Variants in CAMK2B observed in about 807,000 individuals in gnomAD.
CAMK2B encodes the protein calcium/calmodulin-dependent protein kinase type II subunit beta.
CAMK2B carries 27 observed loss-of-function variants against 93.7 expected under a neutral mutation model. That is an observed-to-expected ratio of 0.29 (90% CI 0.21 to 0.40). The LOEUF (loss-of-function observed/expected upper bound fraction) is 0.40. Ranked by LOEUF, CAMK2B falls within the 10% of genes least tolerant of loss-of-function variation. The probability of loss-of-function intolerance (pLI) is 1.00; values close to 1 mark genes in which losing one functional copy is unlikely to be tolerated. For synonymous variants in CAMK2B, 374 were observed against 358.8 expected, an observed-to-expected ratio of 1.04 and a Z score of -0.48; for missense variants, 568 against 895.8, an observed-to-expected ratio of 0.63 and a Z score of 4.67.
intron 1 of CAMK2B, among the ~76,000 whole-genome samples, chr7:44,306,162 T>C (rs1464942890): frequency 6.6e-6 from 1 of 151,256 alleles, no homozygotes; most frequent in East Asian, 2.0e-4. Context: ...GCACTCTTCC[T>C]GAGGAGAGGG....
chr7:44,243,642 A>G, intron 6 of CAMK2B, 115 bp from the exon 7 acceptor site: 2 of 777,526 alleles, frequency 2.6e-6, no homozygotes, highest in Non-Finnish European at 4.3e-6. Flanking sequence ...AGACAGGTGC[A>G]CAGGTCTGAG....
intron 16 of CAMK2B, among the ~76,000 whole-genome samples, chr7:44,232,023 C>T (rs564586710): frequency 2.4e-4 from 36 of 152,334 alleles, no homozygotes; most frequent in Admixed American, 1.1e-3. Context: ...CAGACACACA[C>T]GGGTCCCAGG....
In CAMK2B at chr7:44,260,285, C is replaced by T. The variant is rs914638178; in HGVS notation, c.221-1359G>A. ...CCTCCCTCCTCTGGCTCTGGTTCTC[C>T]CAGGGGCCCAGCCTGATAGCGTCCT... On this transcript the variant is annotated intron_variant, in intron 3 of 23. Transcript: ENST00000395749. Among the ~76,000 whole-genome samples, 7 of 152,180 alleles carry T rather than the reference C, an allele frequency of 4.6e-5. No homozygotes were observed. The South Asian group carries it at 1.5e-3, about 32-fold the overall frequency.
At chr7:44,287,444 G>T (rs1785445635) in intron 1 of CAMK2B, among the ~76,000 whole-genome samples, 1 of 152,174 alleles carries the variant, frequency 6.6e-6, no homozygotes, top group Admixed American at 6.5e-5. Context: ...GGCAGCTGCA[G>T]ATCCACCTCT....
chr7:44,321,215 TTATC>T, intron 1 of CAMK2B, among the ~76,000 whole-genome samples: 1 of 152,208 alleles, frequency 6.6e-6, no homozygotes. Flanking sequence ...TTTCCTAAGT[TTATC>T]TATTAACTAC....
chr7:44,245,656 G>C (rs2096722815), intron 6 of CAMK2B, among the ~76,000 whole-genome samples: 1 of 152,196 alleles, frequency 6.6e-6, no homozygotes, highest in Non-Finnish European at 1.5e-5. Flanking sequence ...ACTCAGGTGA[G>C]ACAAAGCAGG....
intron 1 of CAMK2B, among the ~76,000 whole-genome samples, chr7:44,296,120 C>G (rs1303457950): frequency 6.6e-6 from 1 of 152,142 alleles, no homozygotes; most frequent in African/African-American, 2.4e-5. Context: ...AGAGCATGCA[C>G]CAGAACCAGA....
At chr7:44,274,168 G>A (rs1208073517) in intron 2 of CAMK2B, among the ~76,000 whole-genome samples, 1 of 152,162 alleles carries the variant, frequency 6.6e-6, no homozygotes. Context: ...ATGACCTTCT[G>A]TAGGCTAATC....
intron 4 of CAMK2B, among the ~76,000 whole-genome samples, chr7:44,257,184 G>T (rs2096841295): frequency 6.6e-6 from 1 of 152,138 alleles, no homozygotes; most frequent in African/African-American, 2.4e-5. Flanking sequence ...ACTACTATGG[G>T]GCCTCAGGGC....
rs890262227 is a variant in CAMK2B, at chr7:44,225,271, C to T, written c.1597+1245G>A. 1.3e-5 allele frequency among the ~76,000 whole-genome samples: 2 copies of T among 152,180 alleles called. No homozygotes were observed. The highest frequency in any genetic ancestry group is 3.9e-4 in the East Asian group (2 of 5,194). On this transcript the variant is annotated intron_variant, in intron 20 of 23. Transcript: ENST00000395749. This position sits in a 1 kb window ranked among gnomAD's most constrained non-coding sequence, Gnocchi z 5.0. ...GCAGGCTCCTTTGGGCACACCCCTCCACTTCTGCAAGGGCAGCAAGCCCCT... is the reference window on the plus strand; with the variant it reads ...GCAGGCTCCTTTGGGCACACCCCTCTACTTCTGCAAGGGCAGCAAGCCCCT...
chr7:44,316,634 T>C (rs1452581331), intron 1 of CAMK2B, among the ~76,000 whole-genome samples: 6 of 152,214 alleles, frequency 3.9e-5, no homozygotes, highest in African/African-American at 1.4e-4. Context: ...CCAGTGAAAT[T>C]ATCTGAGCCT....
chr7:44,226,605 C>G lies in CAMK2B; in HGVS notation c.1508G>C (p.Gly503Ala), dbSNP rs537194603. ...ISDILNSVRR[G>A]SGTPEAEGPS... ...GCCCTCGGCTTCTGGGGTCCCTGAG[C>G]CCCTCCTCACAGAGTTCAGGATGTC... Residue 503 changes from glycine (G) to alanine (A), a missense_variant, in exon 20 of 24, where the codon GGC becomes GCC. Physicochemically the swap from Gly to Ala is moderately conservative, Grantham distance 60 (BLOSUM62 0). Transcript: ENST00000395749. The G allele has an allele frequency of 6.6e-7, 1 of 1,522,634 alleles. No homozygotes were observed. Among genetic ancestry groups the G allele is most frequent in the Non-Finnish European group, 8.7e-7 (1 of 1,144,338 alleles). The allele number at this position is 1,522,634 out of a possible 1,614,324, so 94.3% of individuals were successfully genotyped here.
intron 10 of CAMK2B, among the ~76,000 whole-genome samples, 178 bp from the exon 11 acceptor site, chr7:44,241,961 C>T (rs752070775): frequency 2.6e-5 from 4 of 152,198 alleles, no homozygotes; most frequent in Admixed American, 2.0e-4. Flanking sequence ...TCCCTTGCCT[C>T]GTCCACTCTG....
At chr7:44,260,452 A>G (rs1443599107) in intron 3 of CAMK2B, among the ~76,000 whole-genome samples, 5 of 152,190 alleles carry the variant, frequency 3.3e-5, no homozygotes, top group Admixed American at 1.3e-4. Flanking sequence ...GCCAGGCCCC[A>G]GAAGCCTCCA....
In CAMK2B at chr7:44,220,907, G is replaced by C. The variant is rs1724980084; in HGVS notation, c.1598-6C>G. ...AATGATCTCCTGCTTCCGGGCTGTGGGGAGACATGGCCAGGTGACCACTGG... is the reference window on the plus strand; with the variant it reads ...AATGATCTCCTGCTTCCGGGCTGTGCGGAGACATGGCCAGGTGACCACTGG... On this transcript the variant is annotated splice_polypyrimidine_tract_variant and splice_region_variant and intron_variant, in intron 20 of 23. Transcript: ENST00000395749. 1.3e-6 allele frequency: 2 copies of C among 1,559,972 alleles called. No individual in the cohort carries two copies. The highest frequency in any genetic ancestry group is 1.7e-6 in the Non-Finnish European group (2 of 1,151,288).
At chr7:44,243,218 C>A (rs1159982312) in intron 8 of CAMK2B, 32 bp downstream of exon 8, 2 of 1,562,204 alleles carry the variant, frequency 1.3e-6, no homozygotes, top group Non-Finnish European at 1.8e-6. Context: ...CACCCGAGGC[C>A]CTGCCCCGCA....
At chr7:44,236,435 G>C (rs1027769774) in intron 13 of CAMK2B, among the ~76,000 whole-genome samples, 9 of 152,164 alleles carry the variant, frequency 5.9e-5, no homozygotes, top group African/African-American at 2.2e-4. Context: ...AGAAGTAGAG[G>C]GGCCTCAGGC....
chr7:44,304,494 G>C (rs1405909780), intron 1 of CAMK2B, among the ~76,000 whole-genome samples: 1 of 152,162 alleles, frequency 6.6e-6, no homozygotes, highest in Non-Finnish European at 1.5e-5. Flanking sequence ...CTGAATAAAA[G>C]AAGCCAGTCT....
intron 4 of CAMK2B, among the ~76,000 whole-genome samples, chr7:44,258,350 A>G (rs1277914095): frequency 6.6e-6 from 1 of 152,186 alleles, no homozygotes; most frequent in Non-Finnish European, 1.5e-5. Context: ...ACACATGCAC[A>G]TGTATGCACA....
Sources: allele counts gnomAD v4.1 joint callset (sites outside exome capture counted in the v4.1 genomes callset), GRCh38; gene constraint gnomAD v4.1.1; non-coding constraint Gnocchi (gnomAD v3.1); transcripts MANE v1.5; gene names NCBI Gene and HGNC (gene_info 2026-07-23, HGNC 2026-07-21).